MALRD1: variants seen among roughly 807,000 people sequenced by gnomAD.
MALRD1 encodes MAM and LDL receptor class A domain containing 1.
In MALRD1, 247 loss-of-function variants were observed where a neutral mutation model predicts 242.1. That is an observed-to-expected ratio of 1.02 (90% CI 0.92 to 1.13). The LOEUF (loss-of-function observed/expected upper bound fraction) is 1.13. Among genes scored for constraint, MALRD1 ranks in the 50% most tolerant of loss-of-function variants. MALRD1 has a pLI of 0.00. For synonymous variants in MALRD1, 995 were observed against 866.6 expected (o/e 1.15, Z -2.60); for missense variants, 2,989 against 2,533.1 (o/e 1.18, Z -3.86).
Position 19,133,955 on chromosome 10 carries a change from AAG to A in MALRD1, c.1203+9_1203+10del. On this transcript the variant is annotated splice_region_variant and intron_variant, in intron 9 of 39. Coordinates refer to ENST00000454679, the MANE Select transcript of MALRD1 (RefSeq NM_001142308.3). ...AGATCTGAAGACATTTAAGGTATGA[AAG>A]AAAAAAAAAAAGTATTTTTTTATCA... is the stretch of plus-strand genomic sequence containing the variant. 1 of 1,211,100 alleles carries A rather than the reference AAG, an allele frequency of 8.3e-7. No individual in the cohort carries two copies. Among genetic ancestry groups the A allele is most frequent in the Non-Finnish European group, 1.0e-6 (1 of 969,540 alleles). The allele number at this position is 1,211,100 out of a possible 1,614,324, so 75.0% of individuals were successfully genotyped here. A position where few individuals can be genotyped will look rare whatever the true frequency, so the allele number is the denominator to read the frequency against.
chr10:19,636,505 A>G lies in MALRD1; in HGVS notation c.6137+20582A>G, dbSNP rs374027495. 2.2e-4 allele frequency among the ~76,000 whole-genome samples: 34 copies of G among 152,284 alleles called. 1 individual carries two copies. Among genetic ancestry groups the G allele is most frequent in the African/African-American group, 7.5e-4 (31 of 41,562 alleles). ...AAAAGTGGATTAAAAAAAATTCCTC[A>G]TGAACTTAAATACACAAAACACAGC... On this transcript the variant is annotated intron_variant, in intron 36 of 39. Transcript: ENST00000454679.
chr10:19,523,222 G>C (rs1589193179), intron 31 of MALRD1, among the ~76,000 whole-genome samples: 2 of 152,206 alleles, frequency 1.3e-5, no homozygotes, highest in Non-Finnish European at 2.9e-5. Flanking sequence ...GCAAATCAAA[G>C]TCTACAGCTC....
chr10:19,301,295 A>T (rs961222519), intron 21 of MALRD1, among the ~76,000 whole-genome samples: 1 of 151,928 alleles, frequency 6.6e-6, no homozygotes, highest in Non-Finnish European at 1.5e-5. Context: ...TGTGGAAAGC[A>T]GTGTGGTGAT....
rs548893038 is a variant in MALRD1 at position 19,536,010 on chromosome 10, A to G, written c.5478+4659A>G. ...GGAATGCATTCTCAAAAGAGATTCC[A>G]AATTGTAGACTGTGGGAGTATGTCT... On this transcript the variant is annotated intron_variant, in intron 32 of 39. Transcript: ENST00000454679. 2.2e-3 allele frequency among the ~76,000 whole-genome samples: 336 copies of G among 152,370 alleles called. 2 individuals are homozygous for G. Among genetic ancestry groups the G allele is most frequent in the African/African-American group, 7.8e-3 (324 of 41,586 alleles).
At chr10:19,148,786 A>ATATATATATATATATAT (rs1220802758) in intron 11 of MALRD1, among the ~76,000 whole-genome samples, 17 of 68,176 alleles carry the variant, frequency 2.5e-4, no homozygotes, top group African/African-American at 6.6e-4. Flanking sequence ...AAAAAAAAAA[A>ATATATATATATATATAT]AAATATATAT....
chr10:19,426,944 T>C (rs1309225118), intron 28 of MALRD1, among the ~76,000 whole-genome samples: 3 of 152,226 alleles, frequency 2.0e-5, no homozygotes, highest in African/African-American at 7.2e-5. Context: ...TATATAAATG[T>C]GTGTTGTATG....
chr10:19,264,615 A>C (rs1839899430), intron 19 of MALRD1, among the ~76,000 whole-genome samples: 1 of 151,748 alleles, frequency 6.6e-6, no homozygotes, highest in Admixed American at 6.6e-5. Context: ...CACCATGCCC[A>C]GCTAATTTTT....
At chr10:19,547,088 C>A (rs1274712378) in intron 32 of MALRD1, among the ~76,000 whole-genome samples, 1 of 152,082 alleles carries the variant, frequency 6.6e-6, no homozygotes, top group Admixed American at 6.5e-5. Context: ...AGAAAAGCCT[C>A]TAAGTGTCGG....
At chr10:19,311,374 T>A (rs990811069) in intron 21 of MALRD1, among the ~76,000 whole-genome samples, 2 of 151,470 alleles carry the variant, frequency 1.3e-5, no homozygotes, top group Non-Finnish European at 3.0e-5. Flanking sequence ...TTTTCTCATA[T>A]CTACTTTAAA....
chr10:19,123,106 C>T (rs368240044), intron 5 of MALRD1, among the ~76,000 whole-genome samples: 12 of 152,082 alleles, frequency 7.9e-5, no homozygotes, highest in East Asian at 1.9e-4. Context: ...GTTTAAGGGG[C>T]GCCATATCTT....
chr10:19,397,766 G>A (rs935068160), intron 28 of MALRD1, among the ~76,000 whole-genome samples: 1 of 152,076 alleles, frequency 6.6e-6, no homozygotes, highest in East Asian at 1.9e-4. Flanking sequence ...TGCTTTTGTT[G>A]TCTGTGAATT....
chr10:19,643,051 T>A (rs1335152161), intron 36 of MALRD1, among the ~76,000 whole-genome samples: 3 of 152,216 alleles, frequency 2.0e-5, no homozygotes, highest in Non-Finnish European at 4.4e-5. Context: ...AGTGATCAAG[T>A]CCAGTTGTCT....
intron 21 of MALRD1, among the ~76,000 whole-genome samples, chr10:19,306,010 T>C (rs1357968949): frequency 8.5e-6 from 1 of 118,312 alleles, no homozygotes; most frequent in Non-Finnish European, 1.7e-5. Flanking sequence ...TATATTATAC[T>C]ATATATTATA....
In MALRD1 at chr10:19,516,188, T is replaced by G. The variant is rs190671787; in HGVS notation, c.5321-15006T>G. Among the ~76,000 whole-genome samples, 52 of 152,310 alleles carry G rather than the reference T, an allele frequency of 3.4e-4. No individual in the cohort carries two copies. The East Asian group carries it at 9.7e-3, about 28-fold the overall frequency. ...ATCAAACTCACACACTTTAATTAGC[T>G]TTTATTTACCAAAGACTATCCCAGA... is the stretch of plus-strand genomic sequence containing the variant. On this transcript the variant is annotated intron_variant, in intron 31 of 39. Coordinates refer to ENST00000454679, the MANE Select transcript of MALRD1 (RefSeq NM_001142308.3).
intron 18 of MALRD1, among the ~76,000 whole-genome samples, chr10:19,215,511 A>G (rs1388351322): frequency 6.6e-6 from 1 of 152,184 alleles, no homozygotes; most frequent in Non-Finnish European, 1.5e-5. Context: ...CTTGTGAACT[A>G]CTGATTTCTT....
At chr10:19,639,326 G>T (rs1840282026) in intron 36 of MALRD1, among the ~76,000 whole-genome samples, 1 of 152,164 alleles carries the variant, frequency 6.6e-6, no homozygotes, top group Non-Finnish European at 1.5e-5. Flanking sequence ...AAGGGATCTT[G>T]ATTAGGCAAG....
chr10:19,316,588 A>G (rs956805215), intron 21 of MALRD1, among the ~76,000 whole-genome samples: 1 of 151,870 alleles, frequency 6.6e-6, no homozygotes, highest in African/African-American at 2.4e-5. Flanking sequence ...TTTTATCATC[A>G]CACAATGGGG....
intron 32 of MALRD1, among the ~76,000 whole-genome samples, chr10:19,541,656 G>A (rs1834978537): frequency 6.6e-6 from 1 of 152,098 alleles, no homozygotes; most frequent in African/African-American, 2.4e-5. Flanking sequence ...GCAAGGTTTG[G>A]TCTGGTGTGC....
At chr10:19,398,853 A>G (rs944131599) in intron 28 of MALRD1, among the ~76,000 whole-genome samples, 1 of 152,228 alleles carries the variant, frequency 6.6e-6, no homozygotes, top group Admixed American at 6.5e-5. Flanking sequence ...ATAGCATTCT[A>G]TCTGAGACAA....
Sources: allele counts gnomAD v4.1 joint callset (sites outside exome capture counted in the v4.1 genomes callset), GRCh38; gene constraint gnomAD v4.1.1; transcripts MANE v1.5; gene names NCBI Gene and HGNC (gene_info 2026-07-23, HGNC 2026-07-21).